EPHA7: variants seen among roughly 807,000 people sequenced by gnomAD.
EPHA7 encodes the protein EPH receptor A7.
In EPHA7, 25 loss-of-function variants were observed where a neutral mutation model predicts 112.6. That is an observed-to-expected ratio of 0.22 (90% CI 0.16 to 0.31). The LOEUF is 0.31. Ranked by LOEUF, EPHA7 falls within the 10% of genes least tolerant of loss-of-function variation. EPHA7 has a pLI of 1.00. For missense variants in EPHA7, 962 were observed against 1,212.6 expected (o/e 0.79, Z 3.07); for synonymous variants, 437 against 406.5 (o/e 1.07, Z -0.90).
At chr6:93,407,292 C>T (rs1030294558) in intron 3 of EPHA7, among the ~76,000 whole-genome samples, 22 of 152,106 alleles carry the variant, frequency 1.4e-4, no homozygotes, top group African/African-American at 5.1e-4. Context: ...TCACTAGCAT[C>T]CTCTCCCAAA....
chr6:93,360,693 A>T (rs1222040268), intron 3 of EPHA7, among the ~76,000 whole-genome samples: 1 of 152,136 alleles, frequency 6.6e-6, no homozygotes, highest in African/African-American at 2.4e-5. Context: ...ATATGATACT[A>T]ATGCAGAGAA....
chr6:93,386,512 T>C (rs1777614075), intron 3 of EPHA7, among the ~76,000 whole-genome samples: 1 of 152,186 alleles, frequency 6.6e-6, no homozygotes. Flanking sequence ...AATGAGTGCC[T>C]GTGGCTTTTC....
intron 3 of EPHA7, among the ~76,000 whole-genome samples, chr6:93,367,414 C>G (rs764091881): frequency 2.0e-5 from 3 of 152,066 alleles, no homozygotes; most frequent in Non-Finnish European, 4.4e-5. Context: ...AGAGTGTAGG[C>G]TCTATGTTAA....
At chr6:93,418,613 G>C (rs1026441637) in intron 1 of EPHA7, among the ~76,000 whole-genome samples, 2 of 152,176 alleles carry the variant, frequency 1.3e-5, no homozygotes, top group Admixed American at 6.5e-5. Flanking sequence ...CCCTCGGGTC[G>C]CGCGCCGCAC....
intron 14 of EPHA7, among the ~76,000 whole-genome samples, chr6:93,248,672 AAAAC>A (rs67661858): frequency 0.11 from 16,209 of 150,314 alleles, 1,104 homozygotes; most frequent in Non-Finnish European, 0.15. Flanking sequence ...TCTCTTTTTA[AAAAC>A]AAACAAACAA....
intron 3 of EPHA7, chr6:93,409,717 T>C (rs187490102): frequency 6.6e-6 from 1 of 151,778 alleles, no homozygotes; most frequent in East Asian, 1.9e-4. Context: ...ATCTTGAAGG[T>C]CCATATGACA....
intron 5 of EPHA7, among the ~76,000 whole-genome samples, chr6:93,301,787 T>A (rs1186898588): frequency 6.6e-6 from 1 of 152,290 alleles, no homozygotes; most frequent in East Asian, 1.9e-4. Flanking sequence ...TCCCTCCATG[T>A]CTTTTGTCCT....
At position 93,411,869 on chromosome 6, in the gene EPHA7, C is replaced by T. The variant is rs537887850; in HGVS notation, c.163-699G>A. ...AGACAATCAAATGTACATGGCAAAT[C>T]TGCATGCTGGATCATATTTAGTATA... On this transcript the variant is annotated intron_variant, in intron 2 of 16. Coordinates refer to ENST00000369303, the MANE Select transcript of EPHA7 (RefSeq NM_004440.4). Among the ~76,000 whole-genome samples the T allele has an allele frequency of 2.0e-5, 3 of 152,092 alleles. No homozygotes were observed. In the East Asian group the frequency reaches 5.8e-4, roughly 29 times the overall value.
rs35708007 is a variant in EPHA7 at position 93,369,180 on chromosome 6, C to CCACACA, written c.833-10775_833-10770dup. Among the ~76,000 whole-genome samples the CCACACA allele has an allele frequency of 2.1e-3, 299 of 144,914 alleles. 1 individual carries two copies. The highest frequency in any genetic ancestry group is 6.8e-3 in the African/African-American group (266 of 38,986). ...AAAGAAAAGAAAAGAAAAATAAAGG[C>CCACACA]CACACACACACACACACACACACAC... On this transcript the variant is annotated intron_variant, in intron 3 of 16. Transcript: ENST00000369303.
rs527388073 is a variant in EPHA7, at chr6:93,336,636, T to C, written c.1324+20081A>G. Among the ~76,000 whole-genome samples, 19 of 152,022 alleles carry C rather than the reference T, an allele frequency of 1.2e-4. No individual in the cohort carries two copies. The East Asian group carries it at 2.9e-3, about 23-fold the overall frequency. The stretch of plus-strand genomic sequence containing the variant: ...CAGGATGGTCTTGATCTCCTGACCT[T>C]GTGATCTGCCCGCCTTGGCCTCCCA... On this transcript the variant is annotated intron_variant, in intron 5 of 16. Transcript: ENST00000369303.
intron 5 of EPHA7, among the ~76,000 whole-genome samples, chr6:93,301,166 T>C (rs1772957754): frequency 6.6e-6 from 1 of 152,192 alleles, no homozygotes; most frequent in East Asian, 1.9e-4. Flanking sequence ...TTTAAATATC[T>C]GGCCACAGTA....
chr6:93,306,507 C>A (rs1773265363), intron 5 of EPHA7, among the ~76,000 whole-genome samples: 1 of 151,852 alleles, frequency 6.6e-6, no homozygotes, highest in Non-Finnish European at 1.5e-5. Context: ...ATGACAAAAC[C>A]AAAGGACTCA....
intron 5 of EPHA7, among the ~76,000 whole-genome samples, chr6:93,320,571 A>G (rs1276466175): frequency 2.0e-5 from 3 of 152,006 alleles, no homozygotes. Context: ...TAGAAAAAAC[A>G]AGTTCTGTAG....
chr6:93,304,718 T>C (rs1734926284), intron 5 of EPHA7, among the ~76,000 whole-genome samples: 1 of 152,092 alleles, frequency 6.6e-6, no homozygotes, highest in Non-Finnish European at 1.5e-5. Flanking sequence ...CTTGCCTCAG[T>C]ACAATAGCCC....
chr6:93,383,581 T>A (rs1777456091), intron 3 of EPHA7, among the ~76,000 whole-genome samples: 1 of 152,150 alleles, frequency 6.6e-6, no homozygotes, highest in Admixed American at 6.6e-5. Flanking sequence ...ATGTAATATC[T>A]TAGGCAATAA....
intron 3 of EPHA7, among the ~76,000 whole-genome samples, chr6:93,381,077 T>A (rs1420685665): frequency 6.6e-6 from 1 of 152,170 alleles, no homozygotes; most frequent in Admixed American, 6.5e-5. Context: ...AATAAAGACC[T>A]CTTTAGATAC....
intron 5 of EPHA7, among the ~76,000 whole-genome samples, chr6:93,322,661 T>A: frequency 6.6e-6 from 1 of 151,726 alleles, no homozygotes; most frequent in Non-Finnish European, 1.5e-5. Flanking sequence ...AGAGGCATAC[T>A]AGTGACTATT....
intron 5 of EPHA7, among the ~76,000 whole-genome samples, chr6:93,311,324 C>T (rs1251779333): frequency 6.6e-5 from 10 of 151,886 alleles, no homozygotes; most frequent in African/African-American, 2.4e-4. Flanking sequence ...CCTTCTCAAA[C>T]CTTGCCACTG....
chr6:93,383,473 T>C (rs750808769), intron 3 of EPHA7, among the ~76,000 whole-genome samples: 2 of 152,016 alleles, frequency 1.3e-5, no homozygotes, highest in Admixed American at 6.6e-5. Flanking sequence ...AGCTGGTAAG[T>C]GGTAGAGTAA....
Sources: gnomAD v4.1 joint callset for allele counts (sites outside exome capture counted in the v4.1 genomes callset) on GRCh38, gnomAD v4.1.1 for gene constraint, MANE v1.5 for transcripts, NCBI Gene and HGNC (gene_info 2026-07-23, HGNC 2026-07-21) for gene names.